Variants in CREB3L1 observed in about 807,000 individuals in gnomAD.
The protein encoded by CREB3L1 is cAMP responsive element binding protein 3 like 1, also known as cyclic AMP-responsive element-binding protein 3-like protein 1.
In CREB3L1, 33 loss-of-function variants were observed where a neutral mutation model predicts 54.5. The observed-to-expected ratio is 0.61, with a 90% confidence interval of 0.46 to 0.81. The LOEUF (loss-of-function observed/expected upper bound fraction) is 0.81, where lower values mean the gene tolerates loss of function less well. Ranked by LOEUF, CREB3L1 falls within the 30% of genes least tolerant of loss-of-function variation. The pLI, the probability that CREB3L1 is intolerant of heterozygous loss-of-function variation, is 0.00. For synonymous variants in CREB3L1, 284 were observed against 286.4 expected (o/e 0.99, Z 0.08); for missense variants, 656 against 673.3 (o/e 0.97, Z 0.29).
At chr11:46,308,054 C>A in intron 3 of CREB3L1, 54 bp downstream of exon 3, 1 of 1,420,718 alleles carries the variant, frequency 7.0e-7, no homozygotes, top group Non-Finnish European at 9.4e-7. Flanking sequence ...GCTGGTGGGT[C>A]TGTGGGAAGA....
intron 1 of CREB3L1, among the ~76,000 whole-genome samples, chr11:46,291,654 A>G (rs1344436638): frequency 1.3e-5 from 2 of 152,162 alleles, no homozygotes; most frequent in African/African-American, 2.4e-5. Flanking sequence ...GGCAAGCATT[A>G]GTCACCTACT....
chr11:46,316,483 T>G, intron 9 of CREB3L1, 98 bp downstream of exon 9: 1 of 789,336 alleles, frequency 1.3e-6, no homozygotes, highest in Non-Finnish European at 2.1e-6. Context: ...ATCGGTAACA[T>G]CGTGGGCAGC....
At chr11:46,308,821 G>A (rs770655954) in intron 3 of CREB3L1, among the ~76,000 whole-genome samples, 4 of 152,226 alleles carry the variant, frequency 2.6e-5, no homozygotes, top group Non-Finnish European at 4.4e-5. Context: ...GTGGGATCAA[G>A]GGTCGGCGGC....
At position 46,278,100 on chromosome 11, in the gene CREB3L1, G is replaced by A. The variant is rs761794285; in HGVS notation, c.-12G>A. On this transcript the variant is annotated 5_prime_UTR_variant, in exon 1 of 12. Transcript: ENST00000621158. The surrounding 1 kb of genome is among the most constrained non-coding windows in gnomAD (Gnocchi z 4.2). ...GAAGCCCAGTGGAAGGGGGTCCCGG[G>A]AGCCGGCTGCGATGGACGCCGTCTT... is the stretch of plus-strand genomic sequence containing the variant. The A allele has an allele frequency of 5.3e-5, 81 of 1,537,044 alleles. No homozygotes were observed. Among genetic ancestry groups the A allele is most frequent in the Non-Finnish European group, 6.8e-5 (77 of 1,137,000 alleles).
Position 46,320,350 on chromosome 11 carries a change from G to A in CREB3L1, c.1345G>A (p.Asp449Asn), listed in dbSNP as rs1939631182. The change falls in exon 11 of 12, where the codon GAT becomes AAT. Residue 449 changes from aspartate (D) to asparagine (N), a missense_variant. Physicochemically the swap from Asp to Asn is conservative, Grantham distance 23. Around this residue, in one of 3 missense-constraint regions of CREB3L1, gnomAD observed 240 missense variants for 219.8 expected, o/e 1.09. Transcript: ENST00000621158. Reference sequence around the variant, plus strand: ...CACCCTGCTGCCCATGGAGCCCCCAGATGGCTGGGAAATCAACCCCGGGGG... The same window carrying A: ...CACCCTGCTGCCCATGGAGCCCCCAAATGGCTGGGAAATCAACCCCGGGGG... ...RSTLLPMEPP[D>N]GWEINPGGPA... The A allele has an allele frequency of 3.7e-6, 6 of 1,612,122 alleles. No individual in the cohort carries two copies. In the African/African-American group the frequency reaches 5.3e-5, roughly 14 times the overall value.
chr11:46,292,340 C>G (rs11038852), intron 1 of CREB3L1, among the ~76,000 whole-genome samples: 47,782 of 152,002 alleles, frequency 0.31, 7,985 homozygotes, highest in African/African-American at 0.44. Context: ...AAGGGCCTGA[C>G]TCCATAAGCT....
At chr11:46,289,062 T>A (rs963847368) in intron 1 of CREB3L1, among the ~76,000 whole-genome samples, 1 of 152,166 alleles carries the variant, frequency 6.6e-6, no homozygotes, top group Non-Finnish European at 1.5e-5. Context: ...TGGGCCCTGT[T>A]TGAGGCTCTG....
At chr11:46,311,298 C>T (rs1041204424) in intron 5 of CREB3L1, 109 bp downstream of exon 5, 4 of 1,331,854 alleles carry the variant, frequency 3.0e-6, no homozygotes, top group Non-Finnish European at 3.9e-6. Context: ...GATCCCCACC[C>T]TCATCAGAAT....
At chr11:46,283,345 C>A (rs1387437676) in intron 1 of CREB3L1, among the ~76,000 whole-genome samples, 1 of 152,172 alleles carries the variant, frequency 6.6e-6, no homozygotes, top group Non-Finnish European at 1.5e-5. Context: ...CACCTTACTG[C>A]ACAAAGCAGA....
At chr11:46,313,214 G>A (rs568480629) in intron 8 of CREB3L1, among the ~76,000 whole-genome samples, 103 of 152,178 alleles carry the variant, frequency 6.8e-4, no homozygotes, top group African/African-American at 1.8e-3. Flanking sequence ...GCTTATTCTC[G>A]GGCCCCATGC....
intron 1 of CREB3L1, among the ~76,000 whole-genome samples, chr11:46,290,780 G>A (rs1381416937): frequency 2.0e-5 from 3 of 149,278 alleles, no homozygotes; most frequent in East Asian, 2.1e-4. Flanking sequence ...CAAGCAAGGG[G>A]ATGAGGGGTT....
In CREB3L1 at chr11:46,278,452, C is replaced by T. The variant is rs547897640; in HGVS notation, c.102+239C>T. On this transcript the variant is annotated intron_variant, in intron 1 of 11. Transcript: ENST00000621158. This position sits in a 1 kb window ranked among gnomAD's most constrained non-coding sequence, Gnocchi z 4.2. ...GGGCCATCGAGGTATCGGGTCCGTC[C>T]GATCCTCGGATCTGAGCTCAAGAGA... Among the ~76,000 whole-genome samples, 1 of 152,334 alleles carries T rather than the reference C, an allele frequency of 6.6e-6. No individual in the cohort carries two copies. Among genetic ancestry groups the T allele is most frequent in the East Asian group, 1.9e-4 (1 of 5,166 alleles).
chr11:46,283,475 G>C (rs1446260653), intron 1 of CREB3L1, among the ~76,000 whole-genome samples: 1 of 152,178 alleles, frequency 6.6e-6, no homozygotes, highest in Non-Finnish European at 1.5e-5. Context: ...CAGAAGTCAA[G>C]TTTGGGTCAC....
intron 2 of CREB3L1, among the ~76,000 whole-genome samples, chr11:46,307,522 G>T (rs1352208160): frequency 6.6e-6 from 1 of 152,192 alleles, no homozygotes; most frequent in Non-Finnish European, 1.5e-5. Context: ...TGCAGATGAA[G>T]AAGCTCAGGC....
At chr11:46,290,196 G>C (rs561472650) in intron 1 of CREB3L1, among the ~76,000 whole-genome samples, 6 of 152,286 alleles carry the variant, frequency 3.9e-5, no homozygotes, top group African/African-American at 1.2e-4. Flanking sequence ...GGGACAGGCT[G>C]TTCCTCTTTG....
At position 46,321,299 on chromosome 11, in the gene CREB3L1, G is replaced by A. The variant is rs1002572630; in HGVS notation, c.*553G>A. 2 of 254,030 alleles carry A rather than the reference G, an allele frequency of 7.9e-6. No homozygotes were observed. The highest frequency in any genetic ancestry group is 1.6e-5 in the Non-Finnish European group (2 of 127,846). The allele number at this position is 254,030 out of a possible 1,614,324, so 15.7% of individuals were successfully genotyped here. ...AAGAGGGACTACCTGACCCTCACCT[G>A]GCACCCCCCTGCTGCTGCCCAAGCC... On this transcript the variant is annotated 3_prime_UTR_variant, in exon 12 of 12. Coordinates refer to ENST00000621158, the MANE Select transcript of CREB3L1 (RefSeq NM_052854.4).
Position 46,305,373 on chromosome 11 carries a change from G to A in CREB3L1, c.332-2443G>A, listed in dbSNP as rs1051618460. Reference sequence around the variant, plus strand: ...CTCCCCACCGCCGCCTCCTCCACCCGCCTCATACCCCCAGTCACTGGGTCC... The same window carrying A: ...CTCCCCACCGCCGCCTCCTCCACCCACCTCATACCCCCAGTCACTGGGTCC... On this transcript the variant is annotated intron_variant, in intron 2 of 11. Coordinates refer to ENST00000621158, the MANE Select transcript of CREB3L1 (RefSeq NM_052854.4). Among the ~76,000 whole-genome samples the A allele has an allele frequency of 7.9e-5, 12 of 151,844 alleles. No homozygotes were observed. The South Asian group carries it at 8.3e-4, about 11-fold the overall frequency.
At chr11:46,308,630 G>A (rs1256295509) in intron 3 of CREB3L1, among the ~76,000 whole-genome samples, 1 of 152,160 alleles carries the variant, frequency 6.6e-6, no homozygotes, top group African/African-American at 2.4e-5. Flanking sequence ...TCTGTAAAAG[G>A]GGCTCATGAA....
rs1397293980 is a variant in CREB3L1 at position 46,278,239 on chromosome 11, T to C, written c.102+26T>C. The C allele has an allele frequency of 6.8e-7, 1 of 1,461,866 alleles. No homozygotes were observed. Among genetic ancestry groups the C allele is most frequent in the South Asian group, 1.2e-5 (1 of 80,722 alleles). 90.6% of individuals were successfully genotyped at this position (1,461,866 alleles called of 1,614,324 possible). A position where few individuals can be genotyped will look rare whatever the true frequency, so the allele number is the denominator to read the frequency against. On this transcript the variant is annotated intron_variant, in intron 1 of 11. Coordinates refer to ENST00000621158, the MANE Select transcript of CREB3L1 (RefSeq NM_052854.4). This position sits in a 1 kb window ranked among gnomAD's most constrained non-coding sequence, Gnocchi z 4.2. ...GTAAGATGAAGGGTCTCCGTTCCCG[T>C]TCCACCCCTCGGCACCCGTCCTCGC...
Sources: allele counts gnomAD v4.1 joint callset (sites outside exome capture counted in the v4.1 genomes callset), GRCh38; gene constraint gnomAD v4.1.1; regional missense constraint gnomAD v4.1.1; non-coding constraint Gnocchi (gnomAD v3.1); transcripts MANE v1.5; gene names NCBI Gene and HGNC (gene_info 2026-07-23, HGNC 2026-07-21).